RAB11FIP3: variants seen among roughly 807,000 people sequenced by gnomAD.
The protein encoded by RAB11FIP3 is rab11 family-interacting protein 3.
RAB11FIP3 carries 17 observed loss-of-function variants against 77.8 expected under a neutral mutation model. That is an observed-to-expected ratio of 0.22 (90% CI 0.15 to 0.33). RAB11FIP3 has a LOEUF of 0.33. Ranked by LOEUF, RAB11FIP3 falls within the 10% of genes least tolerant of loss-of-function variation. RAB11FIP3 has a pLI of 1.00. For synonymous variants in RAB11FIP3, 437 were observed against 448.2 expected (o/e 0.98, Z 0.31); for missense variants, 1,005 against 1,011.2 (o/e 0.99, Z 0.08).
At chr16:468,054 T>G (rs1311480201) in intron 2 of RAB11FIP3, among the ~76,000 whole-genome samples, 112 of 10,994 alleles carry the variant, frequency 0.01, 5 homozygotes, top group Non-Finnish European at 0.011. Context: ...GCAGGGGCGT[T>G]GGAGGAGGTG....
intron 5 of RAB11FIP3, 122 bp from the exon 6 acceptor site, chr16:496,702 C>T: frequency 1.1e-6 from 1 of 947,904 alleles, no homozygotes; most frequent in Non-Finnish European, 1.7e-6. Flanking sequence ...GGGGGCCCTG[C>T]ATGCCGGGAG....
intron 6 of RAB11FIP3, 67 bp from the exon 7 acceptor site, chr16:502,937 T>G (rs1369230708): frequency 7.1e-6 from 9 of 1,267,378 alleles, no homozygotes; most frequent in Non-Finnish European, 9.2e-6. Flanking sequence ...TTGGGAGTGC[T>G]TGTGCTGACG....
At chr16:494,405 G>A (rs1221287698) in intron 5 of RAB11FIP3, among the ~76,000 whole-genome samples, 3 of 149,764 alleles carry the variant, frequency 2.0e-5, no homozygotes, top group African/African-American at 4.9e-5. Flanking sequence ...GGCAGATCAC[G>A]AGGTCAGGAG....
At chr16:478,554 G>C (rs1244210518) in intron 3 of RAB11FIP3, among the ~76,000 whole-genome samples, 3 of 152,170 alleles carry the variant, frequency 2.0e-5, no homozygotes, top group Admixed American at 2.0e-4. Flanking sequence ...TGCTGGGACT[G>C]CAGCTTTTCT....
chr16:459,170 A>G (rs566471913), intron 1 of RAB11FIP3, among the ~76,000 whole-genome samples: 29 of 142,684 alleles, frequency 2.0e-4, no homozygotes, highest in Non-Finnish European at 3.5e-4. Flanking sequence ...GTTTTTGCCC[A>G]GGCTGGAGTG....
chr16:495,578 C>T (rs932887295), intron 5 of RAB11FIP3, among the ~76,000 whole-genome samples: 1 of 152,194 alleles, frequency 6.6e-6, no homozygotes, highest in Non-Finnish European at 1.5e-5. Context: ...GGAGGCAAAC[C>T]TCTTCCTGCT....
At chr16:467,041 C>A (rs1246662319) in intron 2 of RAB11FIP3, among the ~76,000 whole-genome samples, 1 of 152,220 alleles carries the variant, frequency 6.6e-6, no homozygotes, top group Non-Finnish European at 1.5e-5. Flanking sequence ...TCGAACCAGC[C>A]TGTTCCAGGC....
chr16:477,584 A>G, intron 3 of RAB11FIP3: 2 of 983,130 alleles, frequency 2.0e-6, no homozygotes, highest in Non-Finnish European at 2.4e-6. Flanking sequence ...CCGCAGGCCC[A>G]GCACAGGCCA....
rs200950452 is a variant in RAB11FIP3, at chr16:471,368, C to T, written c.882C>T (p.Phe294=). The change falls in exon 3 of 14, where the codon TTC becomes TTT. Residue 294 remains phenylalanine (F), a synonymous_variant. Coordinates refer to ENST00000262305, the MANE Select transcript of RAB11FIP3 (RefSeq NM_014700.4). This position sits in a 1 kb window ranked among gnomAD's most constrained non-coding sequence, Gnocchi z 4.4. The stretch of plus-strand genomic sequence containing the variant: ...AGCCCCTGGCCTGCCCGGACGAGTT[C>T]GATGACTTCGTCACCTATGAGGCAA... The part of the protein sequence containing the change: ...DEEPLACPDE[F]DDFVTYEANE... 20 of 1,613,010 alleles carry T rather than the reference C, an allele frequency of 1.2e-5. No homozygotes were observed. In the Admixed American group the frequency reaches 1.7e-4, roughly 13 times the overall value.
chr16:495,899 C>T (rs1452181685), intron 5 of RAB11FIP3, among the ~76,000 whole-genome samples: 3 of 152,094 alleles, frequency 2.0e-5, no homozygotes, highest in East Asian at 1.9e-4. Flanking sequence ...TACAGGCATG[C>T]GCCACCATTC....
At chr16:480,412 C>T (rs1219000291) in intron 3 of RAB11FIP3, among the ~76,000 whole-genome samples, 2 of 152,002 alleles carry the variant, frequency 1.3e-5, no homozygotes, top group South Asian at 2.1e-4. Context: ...GCAAAATCTG[C>T]GTCCCAGGTT....
intron 1 of RAB11FIP3, among the ~76,000 whole-genome samples, chr16:435,204 C>CAAAAAAAAAAAAAAAAAAAA (rs371438435): frequency 1.2e-5 from 1 of 83,152 alleles, no homozygotes; most frequent in African/African-American, 4.5e-5. Context: ...GACTCCGTCT[C>CAAAAAAAAAAAAAAAAAAAA]AAAAAAAAAA....
intron 3 of RAB11FIP3, 180 bp from the exon 4 acceptor site, chr16:482,345 C>T (rs1330289304): frequency 2.5e-5 from 18 of 721,632 alleles, no homozygotes; most frequent in Admixed American, 1.4e-4. Flanking sequence ...CGTGAGTCAC[C>T]GCGCCCAGCC....
rs1292165145 is a variant in RAB11FIP3 at position 472,575 on chromosome 16, G to A, written c.903+1186G>A. Among the ~76,000 whole-genome samples, 1 of 152,192 alleles carries A rather than the reference G, an allele frequency of 6.6e-6. No homozygotes were observed. The highest frequency in any genetic ancestry group is 2.4e-5 in the African/African-American group (1 of 41,442). On this transcript the variant is annotated intron_variant, in intron 3 of 13. Coordinates refer to ENST00000262305, the MANE Select transcript of RAB11FIP3 (RefSeq NM_014700.4). The surrounding 1 kb of genome is among the most constrained non-coding windows in gnomAD (Gnocchi z 4.1). ...GCTTCTTCACGAGGAGATGCCCAAG[G>A]CTCTGCAGGGTAACCCAGAGCCCTT...
At chr16:467,569 C>G (rs2055726887) in intron 2 of RAB11FIP3, among the ~76,000 whole-genome samples, 1 of 125,256 alleles carries the variant, frequency 8.0e-6, no homozygotes, top group South Asian at 2.7e-4. Flanking sequence ...GGTGCTGGGA[C>G]GTCAGGGAGG....
At chr16:475,694 G>T (rs138446752) in intron 3 of RAB11FIP3, among the ~76,000 whole-genome samples, 1 of 152,148 alleles carries the variant, frequency 6.6e-6, no homozygotes, top group Non-Finnish European at 1.5e-5. Flanking sequence ...TCTGAGTATC[G>T]ATGGCGATGG....
rs1029380910 is a variant in RAB11FIP3 at position 507,909 on chromosome 16, C to T, written c.1499+2282C>T. 5.3e-5 allele frequency among the ~76,000 whole-genome samples: 8 copies of T among 152,194 alleles called. No homozygotes were observed. The highest frequency in any genetic ancestry group is 6.5e-5 in the Admixed American group (1 of 15,286). ...GCTGCCATCCTAAGAGTACGTTTCC[C>T]GTTTTCAGTATCATCTGCCCGTTCT... On this transcript the variant is annotated intron_variant, in intron 8 of 13. Transcript: ENST00000262305. This position sits in a 1 kb window ranked among gnomAD's most constrained non-coding sequence, Gnocchi z 4.6.
At chr16:517,771 C>T (rs2032483720) in intron 9 of RAB11FIP3, among the ~76,000 whole-genome samples, 1 of 152,140 alleles carries the variant, frequency 6.6e-6, no homozygotes, top group African/African-American at 2.4e-5. Context: ...GTGTCTGCTA[C>T]TTCTTTTTTT....
chr16:518,877 A>C, intron 9 of RAB11FIP3, 66 bp from the exon 10 acceptor site: 1 of 1,551,814 alleles, frequency 6.4e-7, no homozygotes, highest in Non-Finnish European at 8.9e-7. Flanking sequence ...CCTGAGACAC[A>C]GGGCACACTG....
Sources: gnomAD v4.1 joint callset for allele counts (sites outside exome capture counted in the v4.1 genomes callset) on GRCh38, gnomAD v4.1.1 for gene constraint, Gnocchi (gnomAD v3.1) non-coding constraint, MANE v1.5 for transcripts, NCBI Gene and HGNC (gene_info 2026-07-23, HGNC 2026-07-21) for gene names.